CACNA1B: variants seen among roughly 807,000 people sequenced by gnomAD.
CACNA1B encodes the protein voltage-dependent N-type calcium channel subunit alpha-1B.
In CACNA1B, 70 loss-of-function variants were observed where a neutral mutation model predicts 247.2. That is an observed-to-expected ratio of 0.28 (90% CI 0.23 to 0.35). The LOEUF is 0.35. CACNA1B is among the 10% of genes least tolerant of loss of function. CACNA1B has a pLI of 1.00. For missense variants in CACNA1B, 2,367 were observed against 3,197.4 expected (o/e 0.74, Z 6.26); for synonymous variants, 1,231 against 1,294.4 (o/e 0.95, Z 1.05).
chr9:138,017,190 C>T (rs763412351), intron 18 of CACNA1B: 4 of 518,966 alleles, frequency 7.7e-6, no homozygotes, highest in Non-Finnish European at 1.5e-5. Context: ...CTGTCTCCAG[C>T]GTGAACTCAC....
rs1439854003 is a variant in CACNA1B, at chr9:138,121,473, G to T, written c.6494G>T (p.Ser2165Ile). 6.7e-6 allele frequency: 10 copies of T among 1,501,192 alleles called. No homozygotes were observed. The highest frequency in any genetic ancestry group is 8.9e-6 in the Non-Finnish European group (10 of 1,122,812). The allele number at this position is 1,501,192 out of a possible 1,614,324, so 93.0% of individuals were successfully genotyped here. The change falls in exon 47 of 47, where the codon AGT becomes ATT. Residue 2165 changes from serine to isoleucine, a missense_variant. By Grantham distance (142) the Ser-to-Ile change is moderately radical. Coordinates refer to ENST00000371372, the MANE Select transcript of CACNA1B (RefSeq NM_000718.4). The surrounding 1 kb of genome is among the most constrained non-coding windows in gnomAD (Gnocchi z 6.8). ...TTCTGGTCCATTTTCATGTAGGGCA[G>T]TGGTTCCGTGAATGGGAGCCCCTTG... is the stretch of plus-strand genomic sequence containing the variant. The part of the protein sequence containing the change: ...GQEPGPHPQG[S>I]GSVNGSPLLS...
At chr9:138,029,680 G>A (rs1273600761) in intron 20 of CACNA1B, among the ~76,000 whole-genome samples, 7 of 148,900 alleles carry the variant, frequency 4.7e-5, no homozygotes, top group East Asian at 4.0e-4. Flanking sequence ...GTGCCATCTC[G>A]GCTCACTGCA....
intron 20 of CACNA1B, among the ~76,000 whole-genome samples, chr9:138,041,486 A>G (rs1396775546): frequency 7.1e-6 from 1 of 141,096 alleles, no homozygotes; most frequent in East Asian, 2.3e-4. Flanking sequence ...TCTTTTTAAA[A>G]ATAGCCTTTC....
chr9:137,938,590 C>G (rs1465040347), intron 6 of CACNA1B, among the ~76,000 whole-genome samples: 3 of 152,024 alleles, frequency 2.0e-5, no homozygotes, highest in Admixed American at 6.6e-5. Flanking sequence ...ACACCAAAAG[C>G]AAGCAGGAGT....
At chr9:138,009,860 G>A (rs1010674876) in intron 16 of CACNA1B, 150 bp from the exon 17 acceptor site, 2 of 636,474 alleles carry the variant, frequency 3.1e-6, no homozygotes, top group African/African-American at 3.6e-5. Context: ...GGCTGGGCTG[G>A]AGTGTGTCTG....
In CACNA1B at chr9:138,118,728, G is replaced by T. The variant is rs771765281; in HGVS notation, c.5990G>T (p.Gly1997Val). The T allele has an allele frequency of 1.3e-6, 2 of 1,553,266 alleles. No homozygotes were observed. The highest frequency in any genetic ancestry group is 1.7e-6 in the Non-Finnish European group (2 of 1,147,898). ...CCCCAGCCTGGGCTGGAGAGCCAGG[G>T]TCGAGCGGCCTCCATGCCCCGCCTT... Reference protein sequence around the residue: ...GEPQPGLESQGRAASMPRLAA... With the variant: ...GEPQPGLESQVRAASMPRLAA... The change falls in exon 44 of 47, where the codon GGT (glycine) becomes GTT (valine). Residue 1997 changes from glycine to valine, a missense_variant. By Grantham distance (109) the Gly-to-Val change is moderately radical. Coordinates refer to ENST00000371372, the MANE Select transcript of CACNA1B (RefSeq NM_000718.4).
rs1418951299 is a variant in CACNA1B, at chr9:138,007,767, C to T, written c.2092+883C>T. Among the ~76,000 whole-genome samples the T allele has an allele frequency of 6.6e-6, 1 of 152,144 alleles. No individual in the cohort carries two copies. Among genetic ancestry groups the T allele is most frequent in the East Asian group, 1.9e-4 (1 of 5,188 alleles). Reference sequence around the variant, plus strand: ...TGTGACAGAACACCCCACAGGGCCCCGAGGAGCTGGAGACAATGTCTCACA... The same window carrying T: ...TGTGACAGAACACCCCACAGGGCCCTGAGGAGCTGGAGACAATGTCTCACA... On this transcript the variant is annotated intron_variant, in intron 16 of 46. Transcript: ENST00000371372. The surrounding 1 kb of genome is among the most constrained non-coding windows in gnomAD (Gnocchi z 4.1).
At chr9:137,944,961 G>T (rs994356621) in intron 6 of CACNA1B, among the ~76,000 whole-genome samples, 1 of 152,142 alleles carries the variant, frequency 6.6e-6, no homozygotes, top group East Asian at 1.9e-4. Flanking sequence ...ATCTAGTTCT[G>T]CCTTAAGACC....
chr9:138,060,432 G>A (rs781630748), intron 31 of CACNA1B, among the ~76,000 whole-genome samples: 2 of 152,218 alleles, frequency 1.3e-5, no homozygotes, highest in African/African-American at 4.8e-5. Context: ...TGGGTGGGAA[G>A]AGAAGGACCA....
intron 37 of CACNA1B, among the ~76,000 whole-genome samples, chr9:138,099,899 T>C (rs1589127815): frequency 6.6e-6 from 1 of 152,374 alleles, no homozygotes; most frequent in Non-Finnish European, 1.5e-5. Flanking sequence ...ATCTGGCTGC[T>C]CATTTCTGTG....
intron 15 of CACNA1B, among the ~76,000 whole-genome samples, chr9:137,998,039 G>A (rs1305345882): frequency 6.6e-6 from 1 of 152,100 alleles, no homozygotes; most frequent in African/African-American, 2.4e-5. Flanking sequence ...TGATATGGAT[G>A]TAGTAAACGT....
At chr9:138,055,247 C>T (rs914338712) in intron 26 of CACNA1B, among the ~76,000 whole-genome samples, 2 of 152,062 alleles carry the variant, frequency 1.3e-5, no homozygotes, top group Admixed American at 6.5e-5. Flanking sequence ...CCTCCTCAAC[C>T]TCCTGAGTAG....
intron 6 of CACNA1B, among the ~76,000 whole-genome samples, chr9:137,934,863 C>G (rs1052373452): frequency 2.1e-4 from 32 of 152,270 alleles, no homozygotes; most frequent in African/African-American, 7.5e-4. Context: ...TCTGACAGAG[C>G]CTACCAAAAT....
At chr9:137,940,517 G>A (rs1253034357) in intron 6 of CACNA1B, among the ~76,000 whole-genome samples, 3 of 152,114 alleles carry the variant, frequency 2.0e-5, no homozygotes, top group Non-Finnish European at 4.4e-5. Context: ...CAATCCTATC[G>A]ACACTATTCC....
Position 138,057,484 on chromosome 9 carries a change from G to A in CACNA1B, c.3969-248G>A, listed in dbSNP as rs1032323145. On this transcript the variant is annotated intron_variant, in intron 26 of 46. Coordinates refer to ENST00000371372, the MANE Select transcript of CACNA1B (RefSeq NM_000718.4). The surrounding 1 kb of genome is among the most constrained non-coding windows in gnomAD (Gnocchi z 4.0). The stretch of plus-strand genomic sequence containing the variant: ...TTCGAGGTCACGAAGTTTTGCCCCC[G>A]TTTTCCTCTAAGTGTTTTATAGTTT... 1.3e-5 allele frequency among the ~76,000 whole-genome samples: 2 copies of A among 152,156 alleles called. No individual in the cohort carries two copies. Among genetic ancestry groups the A allele is most frequent in the African/African-American group, 2.4e-5 (1 of 41,520 alleles).
At chr9:137,918,705 G>T (rs1378632889) in intron 6 of CACNA1B, among the ~76,000 whole-genome samples, 2 of 152,180 alleles carry the variant, frequency 1.3e-5, no homozygotes, top group East Asian at 3.9e-4. Context: ...TGTGCCTCAT[G>T]CGTTCATGGA....
rs933527886 is a variant in CACNA1B at position 138,014,869 on chromosome 9, G to C, written c.2267+1634G>C. Among the ~76,000 whole-genome samples the C allele has an allele frequency of 2.0e-5, 3 of 152,080 alleles. No homozygotes were observed. Among genetic ancestry groups the C allele is most frequent in the Middle Eastern group, 3.4e-3 (1 of 294 alleles). ...GGCTGCCAGGTCCCTGGCAGTCATG[G>C]AGCCTGAGTCAGGCTGCCTGAAAAG... On this transcript the variant is annotated intron_variant, in intron 18 of 46. Transcript: ENST00000371372. The surrounding 1 kb of genome is among the most constrained non-coding windows in gnomAD (Gnocchi z 6.2).
chr9:138,010,144 G>A lies in CACNA1B; in HGVS notation c.2160+67G>A, dbSNP rs1288344695. ...TTGAATGTGGCCGCAGCCAGGAAGAGTCTGGGTCCTGGGTTAGGGCCTCGT... is the reference window on the plus strand; with the variant it reads ...TTGAATGTGGCCGCAGCCAGGAAGAATCTGGGTCCTGGGTTAGGGCCTCGT... On this transcript the variant is annotated intron_variant, in intron 17 of 46. Transcript: ENST00000371372. This position sits in a 1 kb window ranked among gnomAD's most constrained non-coding sequence, Gnocchi z 5.3. 1.5e-6 allele frequency: 2 copies of A among 1,339,380 alleles called. No individual in the cohort carries two copies. Among genetic ancestry groups the A allele is most frequent in the African/African-American group, 1.4e-5 (1 of 69,394 alleles). The allele number at this position is 1,339,380 out of a possible 1,614,324, so 83.0% of individuals were successfully genotyped here. A position where few individuals can be genotyped will look rare whatever the true frequency, so the allele number is the denominator to read the frequency against.
intron 3 of CACNA1B, among the ~76,000 whole-genome samples, chr9:137,903,498 AG>A (rs1352720148): frequency 1.3e-5 from 2 of 152,070 alleles, no homozygotes; most frequent in Non-Finnish European, 2.9e-5. Flanking sequence ...AGCTCAGAGG[AG>A]GGGTTTAATG....
Sources: allele counts gnomAD v4.1 joint callset (sites outside exome capture counted in the v4.1 genomes callset), GRCh38; gene constraint gnomAD v4.1.1; non-coding constraint Gnocchi (gnomAD v3.1); transcripts MANE v1.5; gene names NCBI Gene and HGNC (gene_info 2026-07-23, HGNC 2026-07-21).